DST: variants seen among roughly 807,000 people sequenced by gnomAD.
The protein encoded by DST is dystonin.
In DST, 253 loss-of-function variants were observed where a neutral mutation model predicts 875.2. The ratio of observed to expected loss-of-function variants is 0.29; its 90% confidence interval spans 0.26 to 0.32. The LOEUF is 0.32. DST is among the 10% of genes least tolerant of loss of function. The probability of loss-of-function intolerance (pLI) is 1.00; values close to 1 mark genes in which losing one functional copy is unlikely to be tolerated. For synonymous variants in DST, 3,124 were observed against 3,197.1 expected, an observed-to-expected ratio of 0.98 and a Z score of 0.77; for missense variants, 8,287 against 9,111.6, an observed-to-expected ratio of 0.91 and a Z score of 3.68.
intron 10 of DST, among the ~76,000 whole-genome samples, chr6:56,664,305 A>G (rs1212106230): frequency 6.6e-6 from 1 of 152,190 alleles, no homozygotes; most frequent in African/African-American, 2.4e-5. Context: ...CTACTTGGAG[A>G]GAATGAGAGA....
chr6:56,503,901 A>G, intron 78 of DST, 96 bp downstream of exon 78: 1 of 782,338 alleles, frequency 1.3e-6, no homozygotes, highest in Non-Finnish European at 2.0e-6. Flanking sequence ...AAGCTGTCAT[A>G]CTTACATTAG....
chr6:56,887,609 A>T lies in DST; in HGVS notation c.417+12812T>A, dbSNP rs150494432. Among the ~76,000 whole-genome samples the T allele has an allele frequency of 2.6e-3, 399 of 152,308 alleles. 1 individual carries two copies. Among genetic ancestry groups the T allele is most frequent in the African/African-American group, 8.1e-3 (338 of 41,570 alleles). On this transcript the variant is annotated intron_variant, in intron 3 of 103. Transcript: ENST00000680361. ...AGTGACTATCTAAATGTTTTCTTTA[A>T]GTTTCCTTGGTTTGGAGATTAAAGA...
chr6:56,648,744 T>G (rs1342964718), intron 12 of DST, 55 bp from the exon 13 acceptor site: 3 of 1,416,380 alleles, frequency 2.1e-6, no homozygotes. Context: ...AACATTCATA[T>G]CTAAGACAAT....
chr6:56,472,830 CCTCCTGCTTTCTGG>C (rs796904772), intron 93 of DST, among the ~76,000 whole-genome samples: 12 of 152,324 alleles, frequency 7.9e-5, no homozygotes, highest in African/African-American at 2.9e-4. Context: ...ACTAAACTTT[CCTCCTGCTTTCTGG>C]CTGTTTTCCA....
chr6:56,595,671 C>T (rs2098363157), intron 47 of DST, among the ~76,000 whole-genome samples: 1 of 152,156 alleles, frequency 6.6e-6, no homozygotes. Context: ...CTGGTATCCT[C>T]ACTGTCTATA....
At chr6:56,501,372 C>T in intron 79 of DST, 137 bp from the exon 80 acceptor site, 1 of 1,139,322 alleles carries the variant, frequency 8.8e-7, no homozygotes, top group East Asian at 2.7e-5. Context: ...TCATCATATC[C>T]TTCTATGTTT....
chr6:56,846,634 T>C (rs2099807477), intron 4 of DST, among the ~76,000 whole-genome samples: 1 of 152,180 alleles, frequency 6.6e-6, no homozygotes, highest in African/African-American at 2.4e-5. Flanking sequence ...CCCTAGGAGA[T>C]AAGAAGTAAA....
At chr6:56,546,225 A>G (rs1373322594) in intron 61 of DST, among the ~76,000 whole-genome samples, 1 of 151,110 alleles carries the variant, frequency 6.6e-6, no homozygotes, top group Non-Finnish European at 1.5e-5. Context: ...AGTTACTACA[A>G]TACTAAGACT....
chr6:56,823,110 G>A (rs939689019), intron 4 of DST, among the ~76,000 whole-genome samples: 1 of 152,110 alleles, frequency 6.6e-6, no homozygotes, highest in Non-Finnish European at 1.5e-5. Context: ...TGGGATTACA[G>A]GTGGTGAGCC....
intron 49 of DST, among the ~76,000 whole-genome samples, chr6:56,589,587 T>C (rs551938377): frequency 1.6e-4 from 24 of 152,304 alleles, no homozygotes; most frequent in African/African-American, 5.8e-4. Flanking sequence ...ACCCCAAAGA[T>C]TAGCGCAAGT....
At chr6:56,864,826 T>A (rs1773145430) in intron 3 of DST, among the ~76,000 whole-genome samples, 1 of 152,146 alleles carries the variant, frequency 6.6e-6, no homozygotes, top group Non-Finnish European at 1.5e-5. Context: ...CAAAAATATA[T>A]CATTTTGAGG....
At chr6:56,486,464 ACTG>A (rs1288511906) in intron 87 of DST, among the ~76,000 whole-genome samples, 1 of 150,572 alleles carries the variant, frequency 6.6e-6, no homozygotes, top group Non-Finnish European at 1.5e-5. Context: ...TAATCTTGAT[ACTG>A]ACAAAAATCA....
chr6:56,897,118 T>C (rs1791698608), intron 3 of DST, among the ~76,000 whole-genome samples: 1 of 152,202 alleles, frequency 6.6e-6, no homozygotes, highest in African/African-American at 2.4e-5. Context: ...AAGTCCTTAA[T>C]CTATCTTGAG....
rs1256459001 is a variant in DST at position 56,607,269 on chromosome 6, A to G, written c.7359T>C (p.Asp2453=). The change falls in exon 40 of 104, where the codon GAT becomes GAC. Residue 2453 remains aspartate, a synonymous_variant. Coordinates refer to ENST00000680361, the MANE Select transcript of DST (RefSeq NM_001374736.1). ...TTCCATTGCTCTCTGGGGTGTGTGT[A>G]TCATTAAAACTTCCCTGACTGTGCA... ...KLMHSQGSFN[D]THTPESNGNK... 5 of 1,613,524 alleles carry G rather than the reference A, an allele frequency of 3.1e-6. No individual in the cohort carries two copies. Among genetic ancestry groups the G allele is most frequent in the Non-Finnish European group, 4.2e-6 (5 of 1,179,650 alleles).
intron 3 of DST, chr6:56,851,907 G>T (rs1032000162): frequency 3.9e-6 from 6 of 1,544,202 alleles, no homozygotes; most frequent in Admixed American, 2.0e-5. Flanking sequence ...CAAATGACTG[G>T]CCCAACAATG....
At chr6:56,487,660 T>C (rs759174961) in intron 86 of DST, among the ~76,000 whole-genome samples, 30 of 152,222 alleles carry the variant, frequency 2.0e-4, no homozygotes, top group Non-Finnish European at 4.1e-4. Flanking sequence ...GTATAGTCTT[T>C]CTACACAACT....
intron 3 of DST, among the ~76,000 whole-genome samples, chr6:56,864,813 G>A (rs915695612): frequency 1.3e-5 from 2 of 151,996 alleles, no homozygotes; most frequent in Non-Finnish European, 2.9e-5. Flanking sequence ...ATAGCTATAT[G>A]ACCAAAAATA....
intron 2 of DST, among the ~76,000 whole-genome samples, chr6:56,907,862 C>T (rs115004761): frequency 0.012 from 1,864 of 152,254 alleles, 34 homozygotes; most frequent in East Asian, 0.039. Context: ...CGTTGACCCA[C>T]TGAGCATTGC....
chr6:56,536,944 C>T lies in DST; in HGVS notation c.16609-4G>A, dbSNP rs2097015114. On this transcript the variant is annotated splice_region_variant and splice_polypyrimidine_tract_variant and intron_variant, in intron 61 of 103. Coordinates refer to ENST00000680361, the MANE Select transcript of DST (RefSeq NM_001374736.1). ...CAATCTCTTCTTTCTGGAATACCTG[C>T]AGTTAAAAGAGTAATAATTATATGA... 2 of 1,612,936 alleles carry T rather than the reference C, an allele frequency of 1.2e-6. No homozygotes were observed. Among genetic ancestry groups the T allele is most frequent in the Non-Finnish European group, 1.7e-6 (2 of 1,179,260 alleles).
Sources: gnomAD v4.1 joint callset for allele counts (sites outside exome capture counted in the v4.1 genomes callset) on GRCh38, gnomAD v4.1.1 for gene constraint, MANE v1.5 for transcripts, NCBI Gene and HGNC (gene_info 2026-07-23, HGNC 2026-07-21) for gene names.